PCBP3: variants seen among roughly 807,000 people sequenced by gnomAD.
PCBP3 encodes the protein poly(rC) binding protein 3.
Under a neutral mutation model 52.7 loss-of-function variants are expected in PCBP3, and 25 were observed. That is an observed-to-expected ratio of 0.47 (90% CI 0.35 to 0.66). PCBP3 has a LOEUF of 0.66. Ranked by LOEUF, PCBP3 falls within the 30% of genes least tolerant of loss-of-function variation. The pLI, the probability that PCBP3 is intolerant of heterozygous loss-of-function variation, is 0.01. For missense variants in PCBP3, 391 were observed against 490.3 expected (o/e 0.80, Z 1.91); for synonymous variants, 162 against 183.0 (o/e 0.89, Z 0.93).
chr21:45,778,451 G>A (rs1056183823), intron 4 of PCBP3, among the ~76,000 whole-genome samples: 2 of 152,176 alleles, frequency 1.3e-5, no homozygotes, highest in Non-Finnish European at 2.9e-5. Flanking sequence ...CAAGCTGGTG[G>A]GTGGGTTCTT....
chr21:45,654,238 C>T (rs867761471), intron 1 of PCBP3, among the ~76,000 whole-genome samples: 11 of 152,030 alleles, frequency 7.2e-5, no homozygotes, highest in South Asian at 4.1e-4. Flanking sequence ...CTCTTCATTG[C>T]TCCCTGGCAT....
intron 4 of PCBP3, among the ~76,000 whole-genome samples, chr21:45,768,181 C>G (rs1022636121): frequency 2.0e-5 from 3 of 152,200 alleles, no homozygotes; most frequent in Admixed American, 2.0e-4. Flanking sequence ...TGGGGTGCCT[C>G]TGTGTGTGGC....
intron 2 of PCBP3, among the ~76,000 whole-genome samples, chr21:45,729,183 G>A (rs188481678): frequency 3.9e-5 from 6 of 151,986 alleles, no homozygotes; most frequent in African/African-American, 1.5e-4. Context: ...AACCTTTTAC[G>A]TCTGGGTTCT....
rs538774580 is a variant in PCBP3, at chr21:45,672,205, C to T, written c.-200+3253C>T. On this transcript the variant is annotated intron_variant, in intron 2 of 17. Coordinates refer to ENST00000681687, the MANE Select transcript of PCBP3 (RefSeq NM_001384156.1). Reference sequence around the variant, plus strand: ...CCTTATTGTGTGATGCCCTGCACCACCTCAGGACTCTGCAGAGTCCCCACC... The same window carrying T: ...CCTTATTGTGTGATGCCCTGCACCATCTCAGGACTCTGCAGAGTCCCCACC... Among the ~76,000 whole-genome samples the T allele has an allele frequency of 3.9e-5, 6 of 152,242 alleles. No individual in the cohort carries two copies. The East Asian group carries it at 5.8e-4, about 15-fold the overall frequency.
At chr21:45,843,573 A>T (rs2093743085) in intron 4 of PCBP3, among the ~76,000 whole-genome samples, 1 of 152,226 alleles carries the variant, frequency 6.6e-6, no homozygotes. Flanking sequence ...TGTTTGCTAC[A>T]AATTTTGGCA....
In PCBP3 at chr21:45,787,175, T is replaced by C. The variant is rs143555462; in HGVS notation, c.-126+31723T>C. Among the ~76,000 whole-genome samples, 327 of 152,342 alleles carry C rather than the reference T, an allele frequency of 2.1e-3. 2 individuals are homozygous for C. Among genetic ancestry groups the C allele is most frequent in the Middle Eastern group, 3.4e-3 (1 of 294 alleles). ...TTCGCCTCCTTTTTAAGATTTTGCA[T>C]GTGTTCATAATCAGTGCCTGTTTCT... On this transcript the variant is annotated intron_variant, in intron 4 of 17. Transcript: ENST00000681687.
At chr21:45,939,961 G>A (rs567954718) in intron 16 of PCBP3, 69 bp from the exon 17 acceptor site, 32 of 1,436,858 alleles carry the variant, frequency 2.2e-5, no homozygotes, top group Middle Eastern at 1.9e-4. Context: ...CCCCTCGGGC[G>A]CACTGCCCAC....
chr21:45,877,381 A>C (rs557861281), intron 5 of PCBP3, among the ~76,000 whole-genome samples: 1 of 152,112 alleles, frequency 6.6e-6, no homozygotes, highest in Admixed American at 6.5e-5. Flanking sequence ...ATCACTTCTT[A>C]CTAGGGCAGT....
At chr21:45,646,101 C>CTT (rs1409409428) in intron 1 of PCBP3, among the ~76,000 whole-genome samples, 11 of 76,510 alleles carry the variant, frequency 1.4e-4, no homozygotes, top group African/African-American at 3.6e-4. Context: ...CTCTCTCTCT[C>CTT]TCTCTCTGTG....
chr21:45,682,165 T>C (rs991132509), intron 2 of PCBP3, among the ~76,000 whole-genome samples: 8 of 152,150 alleles, frequency 5.3e-5, no homozygotes, highest in Non-Finnish European at 1.0e-4. Context: ...TGGTCAAAAC[T>C]AGGTAAAACA....
Position 45,928,797 on chromosome 21 carries a change from G to T in PCBP3, c.718-1120G>T, listed in dbSNP as rs1342354840. 6.6e-6 allele frequency among the ~76,000 whole-genome samples: 1 copy of T among 152,308 alleles called. No individual in the cohort carries two copies. Among genetic ancestry groups the T allele is most frequent in the South Asian group, 2.1e-4 (1 of 4,828 alleles). ...GTCGCAGGAGTCCACACACAGCCAC[G>T]CTGGGATTTATTTGGGTTGAATGTT... On this transcript the variant is annotated intron_variant, in intron 13 of 17. Coordinates refer to ENST00000681687, the MANE Select transcript of PCBP3 (RefSeq NM_001384156.1). This position sits in a 1 kb window ranked among gnomAD's most constrained non-coding sequence, Gnocchi z 4.1.
At position 45,683,046 on chromosome 21, in the gene PCBP3, C is replaced by T. The variant is rs373631496; in HGVS notation, c.-200+14094C>T. Among the ~76,000 whole-genome samples the T allele has an allele frequency of 4.6e-5, 7 of 151,032 alleles. No homozygotes were observed. The East Asian group carries it at 1.4e-3, about 29-fold the overall frequency. On this transcript the variant is annotated intron_variant, in intron 2 of 17. Coordinates refer to ENST00000681687, the MANE Select transcript of PCBP3 (RefSeq NM_001384156.1). Reference sequence around the variant, plus strand: ...AACAAAACAAAACAAAACAAAAATACTGCGTGTCATCAATCAGAGAGCTAG... The same window carrying T: ...AACAAAACAAAACAAAACAAAAATATTGCGTGTCATCAATCAGAGAGCTAG...
At chr21:45,914,486 G>C (rs995170198) in intron 12 of PCBP3, 4 of 257,086 alleles carry the variant, frequency 1.6e-5, no homozygotes, top group Non-Finnish European at 2.9e-5. Context: ...ACTGAGGAAG[G>C]ATGCATGGCC....
intron 2 of PCBP3, among the ~76,000 whole-genome samples, chr21:45,710,053 C>T (rs2083726328): frequency 6.6e-6 from 1 of 152,202 alleles, no homozygotes; most frequent in Admixed American, 6.5e-5. Flanking sequence ...CAAGGAAGCT[C>T]ACTGTCAGCA....
intron 17 of PCBP3, among the ~76,000 whole-genome samples, chr21:45,940,821 G>GCTGTACCACCAGCCCCCCAGCCAGGCACA (rs2077387123): frequency 1.7e-5 from 1 of 59,020 alleles, no homozygotes; most frequent in African/African-American, 1.3e-4. Flanking sequence ...AGCCAGGCAC[G>GCTGTACCACCAGCCCCCCAGCCAGGCACA]CTGTACCACC....
intron 15 of PCBP3, among the ~76,000 whole-genome samples, chr21:45,931,804 G>A (rs2076222490): frequency 6.6e-6 from 1 of 151,720 alleles, no homozygotes. Context: ...ATGCTGTCCT[G>A]AGATGAATGA....
chr21:45,894,591 T>C (rs2095774594), intron 5 of PCBP3, among the ~76,000 whole-genome samples: 1 of 152,182 alleles, frequency 6.6e-6, no homozygotes, highest in Admixed American at 6.5e-5. Context: ...TTAGAATGAG[T>C]CACTGAAGCA....
Position 45,830,457 on chromosome 21 carries a change from C to A in PCBP3, c.-125-19504C>A, listed in dbSNP as rs1295041120. The A allele has an allele frequency of 6.5e-6, 1 of 152,938 alleles. No individual in the cohort carries two copies. Among genetic ancestry groups the A allele is most frequent in the Non-Finnish European group, 1.5e-5 (1 of 68,266 alleles). The allele number at this position is 152,938 out of a possible 1,614,324, so 9.5% of individuals were successfully genotyped here. On this transcript the variant is annotated intron_variant, in intron 4 of 17. Transcript: ENST00000681687. The surrounding 1 kb of genome is among the most constrained non-coding windows in gnomAD (Gnocchi z 4.4). ...AAGAGGAGACCTGCCAGACTATGGACAGCAGGCTCGCTGGGAGAGCAGGGT... is the reference window on the plus strand; with the variant it reads ...AAGAGGAGACCTGCCAGACTATGGAAAGCAGGCTCGCTGGGAGAGCAGGGT...
intron 6 of PCBP3, 172 bp downstream of exon 6, chr21:45,896,534 C>T (rs1050706130): frequency 4.5e-5 from 29 of 640,672 alleles, no homozygotes; most frequent in African/African-American, 3.1e-4. Flanking sequence ...CACATAGAAC[C>T]GGAGATGCAC....
Sources: allele counts gnomAD v4.1 joint callset (sites outside exome capture counted in the v4.1 genomes callset), GRCh38; gene constraint gnomAD v4.1.1; non-coding constraint Gnocchi (gnomAD v3.1); transcripts MANE v1.5; gene names NCBI Gene and HGNC (gene_info 2026-07-23, HGNC 2026-07-21).